KRAS: variants seen among roughly 807,000 people sequenced by gnomAD.
KRAS encodes the protein KRas proto-oncogene, GTPase, also known as GTPase KRas.
Under a neutral mutation model 21.0 loss-of-function variants are expected in KRAS, and 1 was observed. The observed-to-expected ratio is 0.05, with a 90% CI of 0.02 to 0.23. KRAS has a LOEUF of 0.23. Ranked by LOEUF, KRAS falls within the 10% of genes least tolerant of loss-of-function variation. The probability of loss-of-function intolerance (pLI) is 1.00; values close to 1 mark genes in which losing one functional copy is unlikely to be tolerated. For missense variants in KRAS, 107 were observed against 221.8 expected (o/e 0.48, Z 3.29); for synonymous variants, 67 against 72.5 (o/e 0.92, Z 0.39).
At position 25,208,167 on chromosome 12, in the gene KRAS, T is replaced by TTAAA; in HGVS notation, c.*1627_*1628insTTTA. 2 of 221,356 alleles carry TTAAA rather than the reference T, an allele frequency of 9.0e-6. No individual in the cohort carries two copies. Among genetic ancestry groups the TTAAA allele is most frequent in the African/African-American group, 4.6e-5 (2 of 43,660 alleles). 13.7% of individuals were successfully genotyped at this position (221,356 alleles called of 1,614,324 possible). On this transcript the variant is annotated 3_prime_UTR_variant, in exon 5 of 5. Transcript: ENST00000311936. ...AAATGGAATATAAATTACATAGTTGTAAAAAAAAAAAACTAAGAGTTTGAG... is the reference window on the plus strand; with the variant it reads ...AAATGGAATATAAATTACATAGTTGTTAAAAAAAAAAAAAAACTAAGAGTTTGAG...
intron 1 of KRAS, among the ~76,000 whole-genome samples, chr12:25,249,462 G>C (rs995656675): frequency 6.6e-6 from 1 of 151,056 alleles, no homozygotes; most frequent in African/African-American, 2.4e-5. Flanking sequence ...ATGGTGGCGT[G>C]CACCTACTAG....
intron 4 of KRAS, among the ~76,000 whole-genome samples, chr12:25,211,995 C>T (rs1291415775): frequency 6.6e-6 from 1 of 152,168 alleles, no homozygotes; most frequent in Admixed American, 6.5e-5. Flanking sequence ...GGTTTGATTA[C>T]ATATATGTAT....
intron 4 of KRAS, chr12:25,215,704 A>G (rs1207854603): frequency 2.9e-6 from 2 of 695,290 alleles, no homozygotes; most frequent in African/African-American, 3.6e-5. Flanking sequence ...AATAAAACTG[A>G]GGATGCAGTT....
At position 25,247,298 on chromosome 12, in the gene KRAS, G is replaced by A. The variant is rs548338319; in HGVS notation, c.-11-1903C>T. Among the ~76,000 whole-genome samples, 4 of 152,198 alleles carry A rather than the reference G, an allele frequency of 2.6e-5. No individual in the cohort carries two copies. The East Asian group carries it at 7.7e-4, about 29-fold the overall frequency. On this transcript the variant is annotated intron_variant, in intron 1 of 4. Transcript: ENST00000311936. Reference sequence around the variant, plus strand: ...ACTGAAGACCCAAAATAATAATTTGGTTTCCCAAATGATAACATACTAACC... The same window carrying A: ...ACTGAAGACCCAAAATAATAATTTGATTTCCCAAATGATAACATACTAACC...
intron 2 of KRAS, among the ~76,000 whole-genome samples, chr12:25,233,488 A>AAAAT (rs2078495860): frequency 6.7e-6 from 1 of 149,172 alleles, no homozygotes; most frequent in Non-Finnish European, 1.5e-5. Context: ...AGGAAGGAAG[A>AAAAT]AAATGAATGA....
At chr12:25,219,422 G>A (rs1049846904) in intron 4 of KRAS, among the ~76,000 whole-genome samples, 4 of 152,124 alleles carry the variant, frequency 2.6e-5, no homozygotes, top group Non-Finnish European at 5.9e-5. Context: ...TGGAAACAAA[G>A]CACTCCATAT....
chr12:25,233,568 C>T (rs922777403), intron 2 of KRAS, among the ~76,000 whole-genome samples: 1 of 152,146 alleles, frequency 6.6e-6, no homozygotes, highest in East Asian at 1.9e-4. Flanking sequence ...TAGCACTCTT[C>T]GGTCTTAAAA....
In KRAS at chr12:25,225,506, G is replaced by A. The variant is rs1484165311; in HGVS notation, c.450+108C>T. 49 of 1,125,336 alleles carry A rather than the reference G, an allele frequency of 4.4e-5. No homozygotes were observed. In the East Asian group the frequency reaches 8.5e-4, roughly 19 times the overall value. The allele number at this position is 1,125,336 out of a possible 1,614,324, so 69.7% of individuals were successfully genotyped here. A position where few individuals can be genotyped will look rare whatever the true frequency, so the allele number is the denominator to read the frequency against. The stretch of plus-strand genomic sequence containing the variant: ...GAGACAAAAACATTTACTAAATATT[G>A]TTTTATTTCCTAGTATAGCATAATT... On this transcript the variant is annotated intron_variant, in intron 4 of 4. Coordinates refer to ENST00000311936, the MANE Select transcript of KRAS (RefSeq NM_004985.5).
At chr12:25,239,941 A>G (rs1320249863) in intron 2 of KRAS, among the ~76,000 whole-genome samples, 2 of 152,096 alleles carry the variant, frequency 1.3e-5, no homozygotes, top group African/African-American at 2.4e-5. Context: ...CAACAGAGCG[A>G]GACTCCATCT....
chr12:25,249,321 C>G (rs7968023), intron 1 of KRAS, among the ~76,000 whole-genome samples: 29,012 of 151,942 alleles, frequency 0.19, 2,837 homozygotes, highest in Middle Eastern at 0.24. Flanking sequence ...TGCTTGAATG[C>G]AGGAGGCAGA....
At chr12:25,210,058 C>G in intron 4 of KRAS, 147 bp from the exon 5 acceptor site, 1 of 530,586 alleles carries the variant, frequency 1.9e-6, no homozygotes, top group Non-Finnish European at 3.2e-6. Flanking sequence ...TATATTAGGA[C>G]TTTTAGAATT....
chr12:25,217,110 A>C (rs1951264523), intron 4 of KRAS, among the ~76,000 whole-genome samples: 1 of 152,210 alleles, frequency 6.6e-6, no homozygotes, highest in South Asian at 2.1e-4. Flanking sequence ...CCTAGCACCT[A>C]AAAAGTTAAT....
chr12:25,240,488 G>A (rs61761086), intron 2 of KRAS, among the ~76,000 whole-genome samples: 2,346 of 152,294 alleles, frequency 0.015, 42 homozygotes, highest in Middle Eastern at 0.068. Context: ...ATGAACTGAT[G>A]TGCAGGCATT....
chr12:25,242,976 A>G (rs1044973463), intron 2 of KRAS, among the ~76,000 whole-genome samples: 1 of 152,180 alleles, frequency 6.6e-6, no homozygotes, highest in Middle Eastern at 3.2e-3. Flanking sequence ...AAAATACAGT[A>G]TTACTTGATT....
intron 2 of KRAS, chr12:25,235,186 T>C: frequency 1.9e-6 from 1 of 527,164 alleles, no homozygotes; most frequent in Non-Finnish European, 3.6e-6. Flanking sequence ...TCTTAATGTA[T>C]TAAGTATTGT....
intron 2 of KRAS, among the ~76,000 whole-genome samples, chr12:25,238,716 C>T (rs527799645): frequency 1.4e-4 from 21 of 152,192 alleles, no homozygotes; most frequent in Non-Finnish European, 2.8e-4. Context: ...CATTTTTGAA[C>T]ATCAGTATAT....
In KRAS at chr12:25,244,433, TAATA is replaced by T. The variant is rs539181160; in HGVS notation, c.111+837_111+840del. 1.1e-4 allele frequency among the ~76,000 whole-genome samples: 16 copies of T among 152,284 alleles called. No individual in the cohort carries two copies. The South Asian group carries it at 3.3e-3, about 32-fold the overall frequency. ...GATCCAAATTACATGTAAAATATGC[TAATA>T]AATATGTTCTGAAAATGAGTTAACA... On this transcript the variant is annotated intron_variant, in intron 2 of 4. Transcript: ENST00000311936.
At chr12:25,237,291 T>C (rs992206157) in intron 2 of KRAS, among the ~76,000 whole-genome samples, 23 of 152,120 alleles carry the variant, frequency 1.5e-4, no homozygotes, top group African/African-American at 4.6e-4. Context: ...GGGGTGATAA[T>C]AACATTCTGG....
intron 1 of KRAS, among the ~76,000 whole-genome samples, chr12:25,249,458 G>A (rs1310277975): frequency 1.4e-5 from 2 of 147,154 alleles, no homozygotes; most frequent in African/African-American, 5.1e-5. Context: ...GGGCATGGTG[G>A]CGTGCACCTA....
Sources: allele counts gnomAD v4.1 joint callset (sites outside exome capture counted in the v4.1 genomes callset), GRCh38; gene constraint gnomAD v4.1.1; transcripts MANE v1.5; gene names NCBI Gene and HGNC (gene_info 2026-07-23, HGNC 2026-07-21).